Variants in PAPPA2 observed in about 807,000 individuals in gnomAD.
PAPPA2 encodes the protein pappalysin 2.
PAPPA2 carries 86 observed loss-of-function variants against 176.4 expected under a neutral mutation model. That is an observed-to-expected ratio of 0.49 (90% confidence interval 0.41 to 0.58). The LOEUF (loss-of-function observed/expected upper bound fraction) is 0.58. PAPPA2 is among the 20% of genes least tolerant of loss of function. The probability of loss-of-function intolerance (pLI) is 0.00; values close to 1 mark genes in which losing one functional copy is unlikely to be tolerated. For synonymous variants in PAPPA2, 809 were observed against 852.2 expected (o/e 0.95, Z 0.88); for missense variants, 2,073 against 2,256.9 (o/e 0.92, Z 1.65).
intron 3 of PAPPA2, among the ~76,000 whole-genome samples, chr1:176,649,065 G>A (rs1657566120): frequency 6.6e-6 from 1 of 151,284 alleles, no homozygotes; most frequent in African/African-American, 2.4e-5. Flanking sequence ...TCAGGTCCTG[G>A]GTTTTTCTTT....
intron 3 of PAPPA2, among the ~76,000 whole-genome samples, chr1:176,636,608 A>G (rs568089853): frequency 1.3e-5 from 2 of 152,266 alleles, no homozygotes; most frequent in South Asian, 4.1e-4. Flanking sequence ...AAAATTTTGT[A>G]GATTGCTCCC....
intron 21 of PAPPA2, among the ~76,000 whole-genome samples, chr1:176,803,326 A>G (rs890122308): frequency 1.3e-5 from 2 of 152,196 alleles, no homozygotes; most frequent in Admixed American, 6.5e-5. Context: ...TACTGGTGTC[A>G]TTTATTTAAG....
intron 3 of PAPPA2, among the ~76,000 whole-genome samples, chr1:176,658,264 GT>G (rs1415617083): frequency 6.6e-6 from 1 of 151,928 alleles, no homozygotes; most frequent in Non-Finnish European, 1.5e-5. Context: ...TAGTTTTGAT[GT>G]TGTACAGGTT....
chr1:176,540,486 C>T (rs1158558887), intron 1 of PAPPA2, among the ~76,000 whole-genome samples: 2 of 152,240 alleles, frequency 1.3e-5, no homozygotes, highest in African/African-American at 4.8e-5. Context: ...ACAATTTATA[C>T]ACTCTGTGTC....
At chr1:176,581,827 A>T (rs1429308004) in intron 2 of PAPPA2, among the ~76,000 whole-genome samples, 1 of 148,986 alleles carries the variant, frequency 6.7e-6, no homozygotes, top group Non-Finnish European at 1.5e-5. Flanking sequence ...CCTTTACTGA[A>T]TTTATCAGTT....
At chr1:176,695,590 T>G in intron 6 of PAPPA2, 148 bp from the exon 7 acceptor site, 2 of 872,736 alleles carry the variant, frequency 2.3e-6, no homozygotes, top group Non-Finnish European at 3.5e-6. Flanking sequence ...GAAAAAACGA[T>G]TGAGATACAG....
At chr1:176,839,258 C>T (rs900004550) in intron 21 of PAPPA2, among the ~76,000 whole-genome samples, 2 of 152,312 alleles carry the variant, frequency 1.3e-5, no homozygotes, top group East Asian at 3.9e-4. Context: ...AGCAGGACAA[C>T]ATTTCCCTCC....
chr1:176,602,553 TGGTCTGTTAAACATCAGCCAG>T (rs576558833), intron 3 of PAPPA2, among the ~76,000 whole-genome samples: 1 of 152,304 alleles, frequency 6.6e-6, no homozygotes, highest in Non-Finnish European at 1.5e-5. Flanking sequence ...TTGCAGTGGC[TGGTCTGTTAAACATCAGCCAG>T]GCTTCATTAT....
intron 21 of PAPPA2, among the ~76,000 whole-genome samples, chr1:176,834,388 G>A (rs1179574663): frequency 6.6e-6 from 1 of 152,160 alleles, no homozygotes; most frequent in Non-Finnish European, 1.5e-5. Context: ...GTCATCATTG[G>A]GACCCTCCAT....
Position 176,556,257 on chromosome 1 carries a change from T to C in PAPPA2, c.-66T>C, listed in dbSNP as rs1326584563. On this transcript the variant is annotated 5_prime_UTR_variant, in exon 2 of 23. Coordinates refer to ENST00000367662, the MANE Select transcript of PAPPA2 (RefSeq NM_020318.3). ...CATTGCTAGCTGCCTCTTTCTCGTC[T>C]GCCCATCACTCTGGTGTGGTACCCA... 3 of 1,512,166 alleles carry C rather than the reference T, an allele frequency of 2.0e-6. No homozygotes were observed. Among genetic ancestry groups the C allele is most frequent in the Non-Finnish European group, 2.7e-6 (3 of 1,122,590 alleles). The allele number at this position is 1,512,166 out of a possible 1,614,324, so 93.7% of individuals were successfully genotyped here. A position where few individuals can be genotyped will look rare whatever the true frequency, so the allele number is the denominator to read the frequency against.
chr1:176,808,365 TA>T (rs569530097), intron 21 of PAPPA2, among the ~76,000 whole-genome samples: 65 of 152,248 alleles, frequency 4.3e-4, no homozygotes, highest in African/African-American at 1.5e-3. Flanking sequence ...TGCTGGCAAA[TA>T]GTTACATGGC....
intron 21 of PAPPA2, among the ~76,000 whole-genome samples, chr1:176,801,272 C>T (rs1665673300): frequency 1.3e-5 from 2 of 152,094 alleles, no homozygotes; most frequent in Admixed American, 6.6e-5. Context: ...CCTGTAGGTG[C>T]TGCAGAGAGA....
rs143576750 is a variant in PAPPA2, at chr1:176,637,182, G to A, written c.1992-33788G>A. On this transcript the variant is annotated intron_variant, in intron 3 of 22. Transcript: ENST00000367662. ...TAGCAGTATCATTCAACTGGATCAG[G>A]GCACTTGCAGAAGGATAAGGAAATA... Among the ~76,000 whole-genome samples, 65 of 152,096 alleles carry A rather than the reference G, an allele frequency of 4.3e-4. 1 individual carries two copies. The Middle Eastern group carries it at 0.01, about 24-fold the overall frequency.
intron 20 of PAPPA2, among the ~76,000 whole-genome samples, chr1:176,799,521 C>T (rs1046829714): frequency 6.6e-6 from 1 of 152,090 alleles, no homozygotes; most frequent in Non-Finnish European, 1.5e-5. Flanking sequence ...CATGATGATA[C>T]CAAGAATTAC....
chr1:176,796,687 CTTTT>C (rs1245911156), intron 20 of PAPPA2, among the ~76,000 whole-genome samples: 1 of 120,082 alleles, frequency 8.3e-6, no homozygotes, highest in Non-Finnish European at 1.8e-5. Flanking sequence ...TTTTCTTTTT[CTTTT>C]CTTTCTCTCT....
Position 176,674,044 on chromosome 1 carries a change from A to G in PAPPA2, c.2137+2929A>G, listed in dbSNP as rs912364495. Among the ~76,000 whole-genome samples the G allele has an allele frequency of 1.3e-4, 20 of 152,188 alleles. 1 individual carries two copies. The highest frequency in any genetic ancestry group is 9.8e-4 in the Admixed American group (15 of 15,266). On this transcript the variant is annotated intron_variant, in intron 4 of 22. Transcript: ENST00000367662. ...CTTTTAAGATATTTGTTATTTACTA[A>G]ACTCACATTCTCAGGGACACTGGGC... is the stretch of plus-strand genomic sequence containing the variant.
intron 1 of PAPPA2, among the ~76,000 whole-genome samples, chr1:176,504,475 A>G (rs898077835): frequency 1.3e-5 from 2 of 152,114 alleles, no homozygotes; most frequent in Non-Finnish European, 2.9e-5. Flanking sequence ...TTTTCATGGT[A>G]TCCACATATC....
chr1:176,481,766 G>A (rs1453338396), intron 1 of PAPPA2, among the ~76,000 whole-genome samples: 1 of 152,114 alleles, frequency 6.6e-6, no homozygotes, highest in African/African-American at 2.4e-5. Context: ...GTGCAGTGCC[G>A]CGATCTCGGC....
At chr1:176,568,271 C>G (rs1261561602) in intron 2 of PAPPA2, among the ~76,000 whole-genome samples, 1 of 152,192 alleles carries the variant, frequency 6.6e-6, no homozygotes, top group Non-Finnish European at 1.5e-5. Context: ...CAAATGCACG[C>G]TCAATCACTC....
Sources: gnomAD v4.1 joint callset for allele counts (sites outside exome capture counted in the v4.1 genomes callset) on GRCh38, gnomAD v4.1.1 for gene constraint, MANE v1.5 for transcripts, NCBI Gene and HGNC (gene_info 2026-07-23, HGNC 2026-07-21) for gene names.